CPAP: variants seen among roughly 807,000 people sequenced by gnomAD.
The protein encoded by CPAP is centrosomal P4.1-associated protein.
At chr13:24,921,218 T>C in the CPAP span, among the ~76,000 whole-genome samples, 1 of 152,202 alleles carries the variant, frequency 6.6e-6, no homozygotes, top group African/African-American at 2.4e-5. Context: ...CTTGCTGCAA[T>C]TGTAGGACTA....
the CPAP span, chr13:24,923,039 G>C: frequency 6.6e-6 from 1 of 152,376 alleles, no homozygotes; most frequent in Admixed American, 6.5e-5. Flanking sequence ...AGTGGTCGAC[G>C]TAGGCGGGCG....
chr13:24,921,414 T>C, the CPAP span, among the ~76,000 whole-genome samples: 14 of 152,328 alleles, frequency 9.2e-5, no homozygotes, highest in African/African-American at 3.4e-4. Flanking sequence ...ACCGCCATTC[T>C]TTCTTCCCAA....
chr13:24,932,898 T>C, the CPAP span: 14 of 706,386 alleles, frequency 2.0e-5, 1 homozygote, highest in Middle Eastern at 2.5e-4. Flanking sequence ...GATTACAATG[T>C]TTCTTAAGGT....
At chr13:24,931,316 T>TTTTTTTTGCA in the CPAP span, among the ~76,000 whole-genome samples, 1 of 146,850 alleles carries the variant, frequency 6.8e-6, no homozygotes, top group African/African-American at 2.5e-5. Flanking sequence ...CTTTTTTTTT[T>TTTTTTTTGCA]TTTTGCATGC....
At chr13:24,914,948 G>A in the CPAP span, among the ~76,000 whole-genome samples, 7 of 151,978 alleles carry the variant, frequency 4.6e-5, no homozygotes, top group African/African-American at 9.7e-5. Flanking sequence ...CAGGGTGCAC[G>A]CCTGTAATCC....
the CPAP span, among the ~76,000 whole-genome samples, chr13:24,919,061 A>G: frequency 6.6e-6 from 1 of 152,234 alleles, no homozygotes; most frequent in Non-Finnish European, 1.5e-5. Flanking sequence ...AAATGAAAAG[A>G]AAAAAGAAAA....
chr13:24,913,764 G>A, the CPAP span, among the ~76,000 whole-genome samples: 1 of 152,232 alleles, frequency 6.6e-6, no homozygotes, highest in African/African-American at 2.4e-5. Context: ...TGGCAGGTAG[G>A]AGAAATGTAA....
At chr13:24,892,252 G>C in the CPAP span, among the ~76,000 whole-genome samples, 1 of 152,194 alleles carries the variant, frequency 6.6e-6, no homozygotes, top group Non-Finnish European at 1.5e-5. Context: ...TCCCTGGTCT[G>C]TTTTAACAGA....
the CPAP span, among the ~76,000 whole-genome samples, chr13:24,893,293 A>C: frequency 6.6e-6 from 1 of 152,390 alleles, no homozygotes; most frequent in Non-Finnish European, 1.5e-5. Flanking sequence ...CCTGAAAACT[A>C]TCTGAAATTC....
At chr13:24,892,289 C>T in the CPAP span, among the ~76,000 whole-genome samples, 1 of 152,340 alleles carries the variant, frequency 6.6e-6, no homozygotes. Context: ...TGGCAAACCT[C>T]CTCCATAGGA....
the CPAP span, chr13:24,922,667 A>C: frequency 6.6e-6 from 1 of 152,352 alleles, no homozygotes; most frequent in African/African-American, 2.4e-5. Context: ...GCCAACCCCG[A>C]GGTCCGAGCA....
chr13:24,909,825 T>A, the CPAP span: 1 of 1,613,132 alleles, frequency 6.2e-7, no homozygotes. Context: ...TTTTAAATTA[T>A]TTTTTTCCAC....
chr13:24,900,541 G>A, the CPAP span, among the ~76,000 whole-genome samples: 8 of 152,260 alleles, frequency 5.3e-5, no homozygotes, highest in Non-Finnish European at 7.3e-5. Flanking sequence ...CCAGCTACTC[G>A]GGAGGCTGAG....
At chr13:24,910,212 G>A in the CPAP span, 2 of 896,772 alleles carry the variant, frequency 2.2e-6, no homozygotes, top group East Asian at 2.5e-5. Context: ...CCTTTATTAG[G>A]AAATGGTGTT....
chr13:24,904,230 T>C, the CPAP span, among the ~76,000 whole-genome samples: 1 of 152,316 alleles, frequency 6.6e-6, no homozygotes, highest in South Asian at 2.1e-4. Flanking sequence ...CTAACTTTCC[T>C]GAGGAAATCA....
chr13:24,884,566 T>C, the CPAP span: 1 of 1,108,188 alleles, frequency 9.0e-7, no homozygotes, highest in Non-Finnish European at 1.4e-6. Flanking sequence ...TAATAAAATG[T>C]AAAACATTCC....
chr13:24,885,173 G>A, the CPAP span: 1 of 762,718 alleles, frequency 1.3e-6, no homozygotes, highest in Non-Finnish European at 2.2e-6. Flanking sequence ...GCAACTAAAG[G>A]CATCTTGTCC....
At chr13:24,921,451 T>G in the CPAP span, among the ~76,000 whole-genome samples, 2 of 152,184 alleles carry the variant, frequency 1.3e-5, no homozygotes, top group African/African-American at 2.4e-5. Flanking sequence ...AAGAGATTCA[T>G]CTCCAAATTT....
the CPAP span, among the ~76,000 whole-genome samples, chr13:24,914,824 G>T: frequency 6.6e-6 from 1 of 152,068 alleles, no homozygotes; most frequent in South Asian, 2.1e-4. Flanking sequence ...CATAATCCCA[G>T]CATTTTGGGA....
Sources: gnomAD v4.1 joint callset for allele counts (sites outside exome capture counted in the v4.1 genomes callset) on GRCh38, gnomAD v4.1.1 for gene constraint, MANE v1.5 for transcripts, NCBI Gene and HGNC (gene_info 2026-07-23, HGNC 2026-07-21) for gene names.